FOLR2: variants seen among roughly 807,000 people sequenced by gnomAD.
The protein encoded by FOLR2 is folate receptor 2 (fetal).
A neutral mutation model predicts 20.4 loss-of-function variants in FOLR2; 14 were observed. The ratio of observed to expected loss-of-function variants is 0.68; its 90% CI spans 0.45 to 1.07. The LOEUF is 1.07. FOLR2 is among the 50% of genes least tolerant of loss of function. The pLI is 0.00. For synonymous variants in FOLR2, 114 were observed against 114.3 expected, an observed-to-expected ratio of 1.00 and a Z score of 0.02; for missense variants, 269 against 322.6, an observed-to-expected ratio of 0.83 and a Z score of 1.27.
At position 72,221,067 on chromosome 11, in the gene FOLR2, T is replaced by TCGGGGGGGGGGGGGGCGCCCCCCCC; in HGVS notation, c.339+10_339+11insGGGGGGGGGGGGGGCGCCCCCCCCC. 1 of 1,570,118 alleles carries TCGGGGGGGGGGGGGGCGCCCCCCCC rather than the reference T, an allele frequency of 6.4e-7. No individual in the cohort carries two copies. Reference sequence around the variant, plus strand: ...GGCCCTGGATCCAGCAGGTAGGGTGTCTCCCCCCCACCCACCCCAGCAGAC... The same window carrying TCGGGGGGGGGGGGGGCGCCCCCCCC: ...GGCCCTGGATCCAGCAGGTAGGGTGTCGGGGGGGGGGGGGGCGCCCCCCCCCTCCCCCCCACCCACCCCAGCAGAC... On this transcript the variant is annotated intron_variant, in intron 3 of 4. Coordinates refer to ENST00000298223, the MANE Select transcript of FOLR2 (RefSeq NM_000803.5).
intron 1 of FOLR2, 70 bp downstream of exon 1, chr11:72,216,995 G>A (rs1948400581): frequency 7.0e-7 from 1 of 1,423,480 alleles, no homozygotes; most frequent in Admixed American, 1.7e-5. Flanking sequence ...GCAGAGGGGA[G>A]GAACACACCT....
In FOLR2 at chr11:72,221,768, G is replaced by T; in HGVS notation, c.*6G>T. 1.2e-6 allele frequency: 2 copies of T among 1,611,166 alleles called. No individual in the cohort carries two copies. Among genetic ancestry groups the T allele is most frequent in the Non-Finnish European group, 1.7e-6 (2 of 1,177,852 alleles). ...AACTCTGGCTCCTTGGCTGAGTTCA[G>T]TCCTCCCAGACTACCTGCCCTCAGC... On this transcript the variant is annotated 3_prime_UTR_variant, in exon 5 of 5. Transcript: ENST00000298223.
chr11:72,221,183 A>C lies in FOLR2; in HGVS notation c.347A>C (p.Gln116Pro), dbSNP rs138451850. The change falls in exon 4 of 5, where the codon CAG becomes CCG. Residue 116 changes from glutamine (Q) to proline (P), a missense_variant. Coordinates refer to ENST00000298223, the MANE Select transcript of FOLR2 (RefSeq NM_000803.5). ...NLGPWIQQVNQSWRKERFLDV... is the reference protein window; with the variant it reads ...NLGPWIQQVNPSWRKERFLDV... ...TCCCCACCTCCCACCCAGGTGAATC[A>C]GAGCTGGCGCAAAGAACGCTTCCTG... The C allele has an allele frequency of 8.7e-6, 14 of 1,611,882 alleles. No homozygotes were observed. Among genetic ancestry groups the C allele is most frequent in the African/African-American group, 2.7e-5 (2 of 74,756 alleles).
intron 1 of FOLR2, among the ~76,000 whole-genome samples, chr11:72,218,196 T>A (rs182623249): frequency 6.6e-6 from 1 of 152,236 alleles, no homozygotes; most frequent in Non-Finnish European, 1.5e-5. Context: ...GGACAGAGGG[T>A]GAAGACATTA....
intron 3 of FOLR2, 30 bp downstream of exon 3, chr11:72,221,088 C>A: frequency 6.8e-7 from 1 of 1,478,630 alleles, no homozygotes; most frequent in Non-Finnish European, 9.0e-7. Context: ...CCCACCCCAG[C>A]AGACTGCCAT....
At position 72,221,067 on chromosome 11, in the gene FOLR2, T is replaced by TCGGGGGGGGGGCGCCCCC; in HGVS notation, c.339+10_339+11insGGGGGGGGGGCGCCCCCC. 6.4e-7 allele frequency: 1 copy of TCGGGGGGGGGGCGCCCCC among 1,570,112 alleles called. No individual in the cohort carries two copies. Among genetic ancestry groups the TCGGGGGGGGGGCGCCCCC allele is most frequent in the Non-Finnish European group, 8.7e-7 (1 of 1,154,908 alleles). ...GGCCCTGGATCCAGCAGGTAGGGTGTCTCCCCCCCACCCACCCCAGCAGAC... is the reference window on the plus strand; with the variant it reads ...GGCCCTGGATCCAGCAGGTAGGGTGTCGGGGGGGGGGCGCCCCCCTCCCCCCCACCCACCCCAGCAGAC... On this transcript the variant is annotated intron_variant, in intron 3 of 4. Coordinates refer to ENST00000298223, the MANE Select transcript of FOLR2 (RefSeq NM_000803.5).
At chr11:72,216,986 C>T in intron 1 of FOLR2, 61 bp downstream of exon 1, 1 of 1,513,686 alleles carries the variant, frequency 6.6e-7, no homozygotes, top group Non-Finnish European at 9.1e-7. Context: ...AGAGTTTGTG[C>T]AGAGGGGAGG....
chr11:72,221,067 T>TCGGGGGGGGGGGGCCCCCCCCCCCCC lies in FOLR2; in HGVS notation c.339+10_339+11insGGGGGGGGGGGGCCCCCCCCCCCCCC. The TCGGGGGGGGGGGGCCCCCCCCCCCCC allele has an allele frequency of 6.4e-6, 10 of 1,569,892 alleles. No individual in the cohort carries two copies. Among genetic ancestry groups the TCGGGGGGGGGGGGCCCCCCCCCCCCC allele is most frequent in the Non-Finnish European group, 8.7e-6 (10 of 1,154,730 alleles). On this transcript the variant is annotated intron_variant, in intron 3 of 4. Transcript: ENST00000298223. ...GGCCCTGGATCCAGCAGGTAGGGTG[T>TCGGGGGGGGGGGGCCCCCCCCCCCCC]CTCCCCCCCACCCACCCCAGCAGAC... is the stretch of plus-strand genomic sequence containing the variant.
Position 72,221,067 on chromosome 11 carries a change from T to TCGGGGGGGGGGCGCCCCCCCCC in FOLR2, c.339+10_339+11insGGGGGGGGGGCGCCCCCCCCCC. 2 of 1,570,098 alleles carry TCGGGGGGGGGGCGCCCCCCCCC rather than the reference T, an allele frequency of 1.3e-6. No individual in the cohort carries two copies. The highest frequency in any genetic ancestry group is 1.7e-6 in the Non-Finnish European group (2 of 1,154,896). ...GGCCCTGGATCCAGCAGGTAGGGTG[T>TCGGGGGGGGGGCGCCCCCCCCC]CTCCCCCCCACCCACCCCAGCAGAC... On this transcript the variant is annotated intron_variant, in intron 3 of 4. Coordinates refer to ENST00000298223, the MANE Select transcript of FOLR2 (RefSeq NM_000803.5).
At position 72,218,454 on chromosome 11, in the gene FOLR2, G is replaced by A. The variant is rs1477777524; in HGVS notation, c.-24-107G>A. 1.1e-5 allele frequency: 11 copies of A among 964,778 alleles called. No homozygotes were observed. In the Admixed American group the frequency reaches 2.4e-4, roughly 21 times the overall value. 59.8% of individuals were successfully genotyped at this position (964,778 alleles called of 1,614,324 possible). ...TCAGGGCCCCAGCATTGAAGGAACA[G>A]GGTCTGACCTCATTTGCCACCGTAG... On this transcript the variant is annotated intron_variant, in intron 1 of 4. Coordinates refer to ENST00000298223, the MANE Select transcript of FOLR2 (RefSeq NM_000803.5).
At position 72,221,675 on chromosome 11, in the gene FOLR2, G is replaced by C; in HGVS notation, c.681G>C (p.Met227Ile). ...TGGCGAGGTTCTATGCTGCAGCCAT[G>C]CATGTGAATGCTGGTGAGATGCTTC... ...EEVARFYAAA[M>I]HVNAGEMLHG... Residue 227 changes from methionine to isoleucine, a missense_variant, in exon 5 of 5, where the codon ATG (methionine) becomes ATC (isoleucine). Met to Ile is a conservative substitution (Grantham distance 10). Coordinates refer to ENST00000298223, the MANE Select transcript of FOLR2 (RefSeq NM_000803.5). The C allele has an allele frequency of 6.2e-7, 1 of 1,614,190 alleles. No homozygotes were observed. Among genetic ancestry groups the C allele is most frequent in the Middle Eastern group, 1.7e-4 (1 of 6,060 alleles).
intron 4 of FOLR2, 73 bp downstream of exon 4, chr11:72,221,384 G>T: frequency 6.3e-7 from 1 of 1,598,404 alleles, no homozygotes; most frequent in Non-Finnish European, 8.5e-7. Flanking sequence ...AGGATTTGGG[G>T]TGGGGTGAAG....
intron 1 of FOLR2, 40 bp from the exon 2 acceptor site, chr11:72,218,521 T>C (rs1431876456): frequency 6.4e-7 from 1 of 1,554,406 alleles, no homozygotes; most frequent in Admixed American, 1.9e-5. Context: ...GCTCCCAGCT[T>C]GGAGCCCTTT....
intron 1 of FOLR2, chr11:72,217,427 A>G (rs1349759482): frequency 7.8e-7 from 1 of 1,283,918 alleles, no homozygotes; most frequent in Non-Finnish European, 1.0e-6. Context: ...AGCCATGGTC[A>G]GTAAGTTTTT....
intron 2 of FOLR2, among the ~76,000 whole-genome samples, chr11:72,219,939 C>T (rs11828061): frequency 0.022 from 3,278 of 151,960 alleles, 122 homozygotes; most frequent in African/African-American, 0.075. Flanking sequence ...CCTCCGCCTC[C>T]GGGGTTCTGG....
chr11:72,221,067 T>TCGGGGGGGGGGGCGCCCCCCCC lies in FOLR2; in HGVS notation c.339+10_339+11insGGGGGGGGGGGCGCCCCCCCCC. The TCGGGGGGGGGGGCGCCCCCCCC allele has an allele frequency of 6.4e-7, 1 of 1,570,096 alleles. No homozygotes were observed. The highest frequency in any genetic ancestry group is 8.7e-7 in the Non-Finnish European group (1 of 1,154,896). On this transcript the variant is annotated intron_variant, in intron 3 of 4. Transcript: ENST00000298223. ...GGCCCTGGATCCAGCAGGTAGGGTG[T>TCGGGGGGGGGGGCGCCCCCCCC]CTCCCCCCCACCCACCCCAGCAGAC...
chr11:72,221,271 G>A lies in FOLR2; in HGVS notation c.435G>A (p.Thr145=), dbSNP rs145023662. ...RWWEDCHTSH[T]CKSNWHRGWD... ...GGGAGGATTGTCACACCTCCCACACGTGCAAGAGCAACTGGCACAGAGGAT... is the reference window on the plus strand; with the variant it reads ...GGGAGGATTGTCACACCTCCCACACATGCAAGAGCAACTGGCACAGAGGAT... The change falls in exon 4 of 5, where the codon ACG becomes ACA. Residue 145 remains threonine, a synonymous_variant. Coordinates refer to ENST00000298223, the MANE Select transcript of FOLR2 (RefSeq NM_000803.5). 191 of 1,614,014 alleles carry A rather than the reference G, an allele frequency of 1.2e-4. No individual in the cohort carries two copies. The highest frequency in any genetic ancestry group is 8.2e-4 in the Middle Eastern group (5 of 6,062).
chr11:72,220,989 C>A lies in FOLR2; in HGVS notation c.270C>A (p.Cys90Ter). ...ACTGCGGCAAGATGGAGCCCGCCTGCAAGCGCCACTTCATCCAGGACACCT... is the reference window on the plus strand; with the variant it reads ...ACTGCGGCAAGATGGAGCCCGCCTGAAAGCGCCACTTCATCCAGGACACCT... ...WDHCGKMEPA[C>*]KRHFIQDTCL... The change falls in exon 3 of 5, where the codon TGC becomes TGA. Residue 90 changes from cysteine to a stop codon, truncating the protein, a stop_gained. Coordinates refer to ENST00000298223, the MANE Select transcript of FOLR2 (RefSeq NM_000803.5). LOFTEE classifies it high-confidence loss of function. 1 of 1,613,990 alleles carries A rather than the reference C, an allele frequency of 6.2e-7. No individual in the cohort carries two copies. Among genetic ancestry groups the A allele is most frequent in the Non-Finnish European group, 8.5e-7 (1 of 1,179,900 alleles).
In FOLR2 at chr11:72,221,025, G is replaced by A. The variant is rs531093324; in HGVS notation, c.306G>A (p.Glu102=). ...RHFIQDTCLY[E]CSPNLGPWIQ... ...TCATCCAGGACACCTGTCTCTATGA[G>A]TGCTCACCCAACCTGGGGCCCTGGA... The change falls in exon 3 of 5, where the codon GAG becomes GAA. Residue 102 remains glutamate, a synonymous_variant. Transcript: ENST00000298223. 2 of 1,613,764 alleles carry A rather than the reference G, an allele frequency of 1.2e-6. No homozygotes were observed. The highest frequency in any genetic ancestry group is 2.2e-5 in the East Asian group (1 of 44,884).
Sources: allele counts gnomAD v4.1 joint callset (sites outside exome capture counted in the v4.1 genomes callset), GRCh38; gene constraint gnomAD v4.1.1; transcripts MANE v1.5; gene names NCBI Gene and HGNC (gene_info 2026-07-23, HGNC 2026-07-21).